The following PDPR variants were observed in gnomAD, a reference collection of about 807,000 sequenced individuals.
The protein encoded by PDPR is pyruvate dehydrogenase phosphatase regulatory subunit, mitochondrial.
In PDPR, 50 loss-of-function variants were observed where a neutral mutation model predicts 102.2. The observed-to-expected ratio is 0.49, with a 90% CI of 0.39 to 0.62. The LOEUF (loss-of-function observed/expected upper bound fraction) is 0.62, where lower values mean the gene tolerates loss of function less well. PDPR is among the 20% of genes least tolerant of loss of function. The pLI, the probability that PDPR is intolerant of heterozygous loss-of-function variation, is 0.00. For synonymous variants in PDPR, 259 were observed against 406.0 expected, an observed-to-expected ratio of 0.64 and a Z score of 4.35; for missense variants, 625 against 1,098.2, an observed-to-expected ratio of 0.57 and a Z score of 6.09.
At chr16:70,117,954 G>A (rs151259706) in intron 2 of PDPR, among the ~76,000 whole-genome samples, 12 of 151,926 alleles carry the variant, frequency 7.9e-5, no homozygotes, top group Admixed American at 2.0e-4. Flanking sequence ...GTAACTGGGC[G>A]TGGTGGCGCG....
chr16:70,117,994 G>A (rs181211721), intron 2 of PDPR, among the ~76,000 whole-genome samples: 50 of 151,842 alleles, frequency 3.3e-4, no homozygotes, highest in Admixed American at 2.3e-3. Flanking sequence ...TCAGGAGGCC[G>A]AGGCAGGAGA....
intron 3 of PDPR, among the ~76,000 whole-genome samples, chr16:70,126,676 G>C (rs1237209142): frequency 1.3e-5 from 2 of 152,206 alleles, no homozygotes; most frequent in Admixed American, 6.5e-5. Flanking sequence ...ATTTTTATTT[G>C]TTTATTTATT....
chr16:70,138,532 T>C (rs1218335458), intron 10 of PDPR, among the ~76,000 whole-genome samples: 3 of 152,062 alleles, frequency 2.0e-5, no homozygotes, highest in African/African-American at 7.3e-5. Context: ...CTTTTTTTTT[T>C]CTGTAGAGAC....
intron 2 of PDPR, among the ~76,000 whole-genome samples, chr16:70,115,357 C>G (rs1413215255): frequency 6.6e-6 from 1 of 152,094 alleles, no homozygotes; most frequent in South Asian, 2.1e-4. Flanking sequence ...CTCCTGACCT[C>G]GTGATTCTCC....
chr16:70,162,806 C>T (rs1401478188), downstream of PDPR, among the ~76,000 whole-genome samples: 2 of 152,268 alleles, frequency 1.3e-5, no homozygotes, highest in East Asian at 1.9e-4. Flanking sequence ...CCTGATGTTC[C>T]ACACGGGCAC....
intron 18 of PDPR, among the ~76,000 whole-genome samples, chr16:70,154,486 CAAA>C (rs554295050): frequency 6.6e-6 from 1 of 152,254 alleles, no homozygotes; most frequent in East Asian, 1.9e-4. Context: ...GAAAAACAAA[CAAA>C]AAAACCCACT....
chr16:70,147,964 C>T (rs1966373246), intron 16 of PDPR, among the ~76,000 whole-genome samples: 3 of 152,208 alleles, frequency 2.0e-5, no homozygotes, highest in Non-Finnish European at 2.9e-5. Flanking sequence ...TCAGTGGCCG[C>T]TGTTAGGGAA....
chr16:70,156,730 A>ACAG lies in PDPR; in HGVS notation c.2495_2497dup (p.Ala832dup), dbSNP rs1430949388. On this transcript the variant is annotated inframe_insertion, in exon 19 of 19. Transcript: ENST00000288050. ...GGACACGGGGGAAGAGCAAGTGGTGACAGCAGATTTCATCAACCGGGGAGA... is the reference window on the plus strand; with the variant it reads ...GGACACGGGGGAAGAGCAAGTGGTGACAGCAGCAGATTTCATCAACCGGGGAGA... 1 of 1,613,950 alleles carries ACAG rather than the reference A, an allele frequency of 6.2e-7. No individual in the cohort carries two copies.
intron 9 of PDPR, among the ~76,000 whole-genome samples, chr16:70,133,109 T>G (rs1964710876): frequency 7.1e-6 from 1 of 140,892 alleles, no homozygotes; most frequent in Non-Finnish European, 1.5e-5. Flanking sequence ...GATACCCAGC[T>G]GCTTTTTTTT....
chr16:70,140,757 G>T (rs1597351991), intron 11 of PDPR, among the ~76,000 whole-genome samples: 1 of 152,364 alleles, frequency 6.6e-6, no homozygotes, highest in East Asian at 1.9e-4. Context: ...GGAGGTTGCA[G>T]TGAGCCAAGA....
intron 16 of PDPR, among the ~76,000 whole-genome samples, chr16:70,148,208 C>G (rs890315889): frequency 6.6e-6 from 1 of 152,240 alleles, no homozygotes; most frequent in African/African-American, 2.4e-5. Flanking sequence ...GGACTTTCCT[C>G]CACTCTCTAC....
chr16:70,127,281 G>T lies in PDPR; in HGVS notation c.249G>T (p.Arg83Ser). The change falls in exon 4 of 19, where the codon AGG (arginine) becomes AGT (serine). Residue 83 changes from arginine to serine, a missense_variant. Physicochemically the swap from Arg to Ser is moderately radical, Grantham distance 110 (BLOSUM62 -1). Transcript: ENST00000288050. ...GCAGGCTGGCTGCTGGCTCTACCAG[G>T]TTCTGTGCTGGCATCCTGAGCACTG... ...EQGRLAAGST[R>S]FCAGILSTAR... 2 of 1,606,160 alleles carry T rather than the reference G, an allele frequency of 1.2e-6. No homozygotes were observed. Among genetic ancestry groups the T allele is most frequent in the Admixed American group, 1.7e-5 (1 of 57,990 alleles).
intron 2 of PDPR, among the ~76,000 whole-genome samples, chr16:70,119,149 G>A (rs1962952514): frequency 6.6e-6 from 1 of 151,988 alleles, no homozygotes; most frequent in Admixed American, 6.6e-5. Context: ...CTGTTTTGCT[G>A]ATAGATTAAG....
chr16:70,137,602 G>T (rs1296899479), intron 10 of PDPR, among the ~76,000 whole-genome samples: 1 of 152,266 alleles, frequency 6.6e-6, no homozygotes, highest in Non-Finnish European at 1.5e-5. Flanking sequence ...TTACACCGCA[G>T]TGTGAATGTA....
intron 11 of PDPR, among the ~76,000 whole-genome samples, chr16:70,141,760 G>A (rs147412712): frequency 2.6e-3 from 389 of 152,216 alleles, no homozygotes; most frequent in Non-Finnish European, 4.4e-3. Context: ...TTTCCTTCTG[G>A]AGCATGCCTG....
rs114380692 is a variant in PDPR at position 70,135,793 on chromosome 16, C to T, written c.998-401C>T. Among the ~76,000 whole-genome samples the T allele has an allele frequency of 3.7e-3, 557 of 152,256 alleles. 1 individual carries two copies. Among genetic ancestry groups the T allele is most frequent in the African/African-American group, 0.013 (533 of 41,478 alleles). On this transcript the variant is annotated intron_variant, in intron 9 of 18. Coordinates refer to ENST00000288050, the MANE Select transcript of PDPR (RefSeq NM_017990.5). ...TTTAAAAAAATCTCTTCCAGCCGGA[C>T]GCAGTGGTTCACACCTATAATCCTA...
rs1963167616 is a variant in PDPR at position 70,120,802 on chromosome 16, C to T, written c.227+83C>T. ...CTCTCCTTTCAGAGATACTGCCCCA[C>T]CAGTAGCTAATCTAAATGTTGCTAA... is the stretch of plus-strand genomic sequence containing the variant. On this transcript the variant is annotated intron_variant, in intron 3 of 18. Transcript: ENST00000288050. 3.4e-6 allele frequency: 3 copies of T among 877,936 alleles called. No individual in the cohort carries two copies. The Admixed American group carries it at 6.0e-5, about 18-fold the overall frequency. The allele number at this position is 877,936 out of a possible 1,614,324, so 54.4% of individuals were successfully genotyped here.
intron 17 of PDPR, among the ~76,000 whole-genome samples, chr16:70,150,085 G>A (rs1242642290): frequency 1.3e-5 from 2 of 150,006 alleles, no homozygotes; most frequent in African/African-American, 2.5e-5. Flanking sequence ...CACCGCACCC[G>A]GCCGGCTTTT....
At chr16:70,121,418 A>G (rs1342369297) in intron 3 of PDPR, among the ~76,000 whole-genome samples, 7 of 151,878 alleles carry the variant, frequency 4.6e-5, no homozygotes, top group African/African-American at 1.7e-4. Context: ...TTGGCCGGGC[A>G]TGGTGGCTCA....
Sources: gnomAD v4.1 joint callset for allele counts (sites outside exome capture counted in the v4.1 genomes callset) on GRCh38, gnomAD v4.1.1 for gene constraint, MANE v1.5 for transcripts, NCBI Gene and HGNC (gene_info 2026-07-23, HGNC 2026-07-21) for gene names.